Variants in EML1 observed in about 807,000 individuals in gnomAD.
EML1 encodes the protein echinoderm microtubule-associated protein-like 1.
A neutral mutation model predicts 110.4 loss-of-function variants in EML1; 27 were observed. The ratio of observed to expected loss-of-function variants is 0.24; its 90% confidence interval spans 0.18 to 0.34. The LOEUF (loss-of-function observed/expected upper bound fraction) is 0.34. Ranked by LOEUF, EML1 falls within the 10% of genes least tolerant of loss-of-function variation. The pLI, the probability that EML1 is intolerant of heterozygous loss-of-function variation, is 1.00. For synonymous variants in EML1, 344 were observed against 385.8 expected, an observed-to-expected ratio of 0.89 and a Z score of 1.27; for missense variants, 741 against 1,030.9, an observed-to-expected ratio of 0.72 and a Z score of 3.85.
intron 4 of EML1, among the ~76,000 whole-genome samples, chr14:99,882,970 G>A (rs908977207): frequency 2.6e-5 from 4 of 152,238 alleles, no homozygotes; most frequent in African/African-American, 7.2e-5. Flanking sequence ...CACCTTGAGC[G>A]CCTGTCCTTT....
At chr14:99,769,254 C>T (rs562262031), upstream of EML1, among the ~76,000 whole-genome samples, 5 of 152,300 alleles carry the variant, frequency 3.3e-5, no homozygotes, top group East Asian at 7.7e-4. Flanking sequence ...AGCCCACCAG[C>T]GGTTTTGCAG....
intron 9 of EML1, among the ~76,000 whole-genome samples, chr14:99,904,762 G>A (rs1158783968): frequency 6.6e-6 from 1 of 152,150 alleles, no homozygotes; most frequent in African/African-American, 2.4e-5. Flanking sequence ...CAAGATAAGA[G>A]AGAAACTTTA....
At chr14:99,821,298 C>T (rs1027446449) in intron 1 of EML1, among the ~76,000 whole-genome samples, 5 of 152,166 alleles carry the variant, frequency 3.3e-5, no homozygotes, top group Non-Finnish European at 7.3e-5. Flanking sequence ...TGAGGCACCA[C>T]GCCCAGCCTC....
At position 99,767,937 on chromosome 14, in the gene EML1, A is replaced by G. The variant is rs548462077; in HGVS notation, c.28+30077A>G. 2.5e-4 allele frequency among the ~76,000 whole-genome samples: 38 copies of G among 152,310 alleles called. No individual in the cohort carries two copies. The South Asian group carries it at 7.7e-3, about 31-fold the overall frequency. On this transcript the variant is annotated intron_variant, in intron 1 of 10. Transcript: ENST00000554479. Reference sequence around the variant, plus strand: ...CACCCCCCACACTACTTTGCTGAGCACACAACTATACTCAGAGCTGGCCTC... The same window carrying G: ...CACCCCCCACACTACTTTGCTGAGCGCACAACTATACTCAGAGCTGGCCTC...
At chr14:99,829,610 A>C (rs2058416519) in intron 1 of EML1, among the ~76,000 whole-genome samples, 1 of 152,148 alleles carries the variant, frequency 6.6e-6, no homozygotes, top group Non-Finnish European at 1.5e-5. Context: ...TCAGTACTCA[A>C]TGAAGCAGCA....
At position 99,939,294 on chromosome 14, in the gene EML1, G is replaced by A. The variant is rs1220948882; in HGVS notation, c.2289G>A (p.Val763=). 2 of 1,614,114 alleles carry A rather than the reference G, an allele frequency of 1.2e-6. No homozygotes were observed. The highest frequency in any genetic ancestry group is 2.7e-5 in the African/African-American group (2 of 74,944). ...CAACAGGCGACGACTTTGGCAAAGT[G>A]CACCTCTTCTCATACCCCTGCTCGC... The part of the protein sequence containing the change: ...LLSTGDDFGK[V]HLFSYPCSQF... Residue 763 remains valine, a synonymous_variant, in exon 21 of 22, where the codon GTG becomes GTA. Transcript: ENST00000262233. This position sits in a 1 kb window ranked among gnomAD's most constrained non-coding sequence, Gnocchi z 4.2.
In EML1 at chr14:99,753,196, G is replaced by GCCC. The variant is rs1183572459; in HGVS notation, c.28+15341_28+15343dup. 5.8e-3 allele frequency among the ~76,000 whole-genome samples: 474 copies of GCCC among 81,876 alleles called. 14 individuals carry two copies. The highest frequency in any genetic ancestry group is 7.0e-3 in the African/African-American group (127 of 18,244). 53.7% of individuals were successfully genotyped at this position (81,876 alleles called of 152,430 possible). On this transcript the variant is annotated intron_variant, in intron 1 of 10. Transcript: ENST00000554479. ...CCCCACCCCCCTACCCGCACCCCCC[G>GCCC]CCCCCCCGCCGCCCCCCCACCCCCC... is the stretch of plus-strand genomic sequence containing the variant.
chr14:99,891,177 T>C (rs1434768901), intron 4 of EML1, 22 bp from the exon 5 acceptor site: 1 of 1,614,192 alleles, frequency 6.2e-7, no homozygotes, highest in Admixed American at 1.7e-5. Context: ...CTTTAAAAAC[T>C]GTTTTTCGTT....
chr14:99,795,179 C>A (rs1459303725), intron 1 of EML1, among the ~76,000 whole-genome samples: 1 of 152,130 alleles, frequency 6.6e-6, no homozygotes, highest in Non-Finnish European at 1.5e-5. Context: ...TTGTTTGGGG[C>A]CTGGTCATAC....
At chr14:99,795,183 G>T (rs1185468305) in intron 1 of EML1, among the ~76,000 whole-genome samples, 2 of 152,128 alleles carry the variant, frequency 1.3e-5, no homozygotes, top group South Asian at 2.1e-4. Context: ...TTGGGGCCTG[G>T]TCATACTGTT....
upstream of EML1, among the ~76,000 whole-genome samples, chr14:99,789,893 A>G (rs985377205): frequency 6.6e-6 from 1 of 152,220 alleles, no homozygotes. Context: ...GGCGTGGAAT[A>G]TCAGTCTGTT....
intron 3 of EML1, among the ~76,000 whole-genome samples, chr14:99,868,113 C>T (rs975496313): frequency 6.6e-6 from 1 of 152,086 alleles, no homozygotes; most frequent in African/African-American, 2.4e-5. Context: ...AATATTGTAT[C>T]ACATTGATTG....
chr14:99,888,231 C>G (rs2059516506), intron 4 of EML1, among the ~76,000 whole-genome samples: 1 of 152,192 alleles, frequency 6.6e-6, no homozygotes, highest in East Asian at 1.9e-4. Flanking sequence ...AGAAATCTTT[C>G]ATTCTTCCTC....
intron 1 of EML1, among the ~76,000 whole-genome samples, chr14:99,739,097 A>T (rs1294667909): frequency 0.029 from 2,079 of 70,542 alleles, 44 homozygotes; most frequent in African/African-American, 0.078. Context: ...TGTGTGAGAG[A>T]GAGAGACAGA....
At chr14:99,927,846 ATGG>A (rs1371623199) in intron 17 of EML1, among the ~76,000 whole-genome samples, 63 of 10,054 alleles carry the variant, frequency 6.3e-3, no homozygotes, top group Admixed American at 9.9e-3. Context: ...GGTGGTGGTG[ATGG>A]TGGTGGTGGT....
chr14:99,818,469 A>G (rs1452782936), intron 1 of EML1, among the ~76,000 whole-genome samples: 1 of 152,212 alleles, frequency 6.6e-6, no homozygotes, highest in African/African-American at 2.4e-5. Flanking sequence ...ATATGGAATC[A>G]GTCAAAGATA....
intron 2 of EML1, among the ~76,000 whole-genome samples, chr14:99,860,544 G>A (rs1033283057): frequency 2.6e-5 from 4 of 152,090 alleles, no homozygotes; most frequent in East Asian, 1.9e-4. Flanking sequence ...TTTTCTTACC[G>A]CAGCGAGCTT....
At chr14:99,738,892 T>G (rs2057002129) in intron 1 of EML1, among the ~76,000 whole-genome samples, 1 of 152,094 alleles carries the variant, frequency 6.6e-6, no homozygotes, top group African/African-American at 2.4e-5. Context: ...GCACGTGGAT[T>G]CCTTCTCCAT....
At chr14:99,775,425 G>A (rs968169322) in intron 1 of EML1, among the ~76,000 whole-genome samples, 4 of 152,226 alleles carry the variant, frequency 2.6e-5, no homozygotes, top group Non-Finnish European at 5.9e-5. Flanking sequence ...TGGTGGCTGG[G>A]GAAATGTGGA....
Sources: allele counts gnomAD v4.1 joint callset (sites outside exome capture counted in the v4.1 genomes callset), GRCh38; gene constraint gnomAD v4.1.1; non-coding constraint Gnocchi (gnomAD v3.1); transcripts MANE v1.5; gene names NCBI Gene and HGNC (gene_info 2026-07-23, HGNC 2026-07-21).